Variants in SORCS1 observed in about 807,000 individuals in gnomAD.
SORCS1 encodes sortilin related VPS10 domain containing receptor 1.
A neutral mutation model predicts 146.1 loss-of-function variants in SORCS1; 60 were observed. The ratio of observed to expected loss-of-function variants is 0.41; its 90% CI spans 0.33 to 0.51. SORCS1 has a LOEUF of 0.51. SORCS1 is among the 20% of genes least tolerant of loss of function. The pLI is 0.21. For synonymous variants in SORCS1, 637 were observed against 584.0 expected (o/e 1.09, Z -1.31); for missense variants, 1,352 against 1,487.6 (o/e 0.91, Z 1.50).
the SORCS1 span, among the ~76,000 whole-genome samples, chr10:107,176,687 C>A: frequency 6.6e-6 from 1 of 152,046 alleles, no homozygotes; most frequent in Non-Finnish European, 1.5e-5. Context: ...TCTTTCATTG[C>A]AATCAGAAAG....
At chr10:106,819,543 A>G (rs1001362785) in intron 3 of SORCS1, among the ~76,000 whole-genome samples, 4 of 152,186 alleles carry the variant, frequency 2.6e-5, no homozygotes, top group African/African-American at 9.7e-5. Context: ...ACAAGAGATC[A>G]TTGCACAGTG....
intron 1 of SORCS1, among the ~76,000 whole-genome samples, chr10:106,990,784 G>A (rs1237213639): frequency 2.0e-5 from 3 of 152,148 alleles, no homozygotes; most frequent in Non-Finnish European, 2.9e-5. Context: ...GAAAAATTGT[G>A]AGTACACTGT....
intron 23 of SORCS1, among the ~76,000 whole-genome samples, chr10:106,602,663 C>T (rs1846323328): frequency 1.3e-5 from 2 of 151,996 alleles, no homozygotes; most frequent in African/African-American, 2.4e-5. Flanking sequence ...TTCCCATCAC[C>T]CACTTTAAGC....
At chr10:106,730,183 G>T in intron 5 of SORCS1, 69 bp from the exon 6 acceptor site, 1 of 1,451,016 alleles carries the variant, frequency 6.9e-7, no homozygotes, top group Non-Finnish European at 9.7e-7. Flanking sequence ...AGTGGAACTC[G>T]GCAGAGCCCC....
At chr10:106,631,157 G>T (rs1355645795) in intron 18 of SORCS1, among the ~76,000 whole-genome samples, 2 of 152,212 alleles carry the variant, frequency 1.3e-5, no homozygotes, top group Non-Finnish European at 2.9e-5. Flanking sequence ...CTATGAATCT[G>T]TGTGACCTAC....
At chr10:107,029,120 G>C (rs1958533022) in intron 1 of SORCS1, among the ~76,000 whole-genome samples, 1 of 152,200 alleles carries the variant, frequency 6.6e-6, no homozygotes, top group Non-Finnish European at 1.5e-5. Flanking sequence ...AGCATGTACA[G>C]ATACTTTGCT....
At chr10:106,844,143 T>C (rs922312237) in intron 2 of SORCS1, among the ~76,000 whole-genome samples, 8 of 152,254 alleles carry the variant, frequency 5.3e-5, no homozygotes, top group Non-Finnish European at 7.3e-5. Context: ...ATTAGTGATG[T>C]TGAACATCTT....
rs1852910696 is a variant in SORCS1, at chr10:106,687,128, T to A, written c.1560+1064A>T. On this transcript the variant is annotated intron_variant, in intron 10 of 25. Coordinates refer to ENST00000263054, the MANE Select transcript of SORCS1 (RefSeq NM_052918.5). ...ATTTGCAATTTGCCTCTTCCTCGCC[T>A]CCTTCTGCATTCACTCATTACTTAT... 2.6e-5 allele frequency among the ~76,000 whole-genome samples: 4 copies of A among 152,164 alleles called. No individual in the cohort carries two copies. The South Asian group carries it at 8.3e-4, about 32-fold the overall frequency.
At chr10:106,963,110 A>ATTTTTTTTTTTTTTTTTTTTTTTTTT (rs749174613) in intron 1 of SORCS1, among the ~76,000 whole-genome samples, 6 of 76,310 alleles carry the variant, frequency 7.9e-5, no homozygotes, top group African/African-American at 2.3e-4. Context: ...AATGGCCAGA[A>ATTTTTTTTTTTTTTTTTTTTTTTTTT]TTTTTTTTTT....
chr10:106,738,518 G>T lies in SORCS1; in HGVS notation c.960-8404C>A, dbSNP rs183834428. Among the ~76,000 whole-genome samples, 246 of 152,262 alleles carry T rather than the reference G, an allele frequency of 1.6e-3. 1 individual carries two copies. The highest frequency in any genetic ancestry group is 5.1e-3 in the African/African-American group (211 of 41,536). On this transcript the variant is annotated intron_variant, in intron 5 of 25. Coordinates refer to ENST00000263054, the MANE Select transcript of SORCS1 (RefSeq NM_052918.5). Reference sequence around the variant, plus strand: ...AGCAGTGCTAAGGACTTCCTGGAGGGGTGTGCTTGTGTTGATGTTAAAATC... The same window carrying T: ...AGCAGTGCTAAGGACTTCCTGGAGGTGTGTGCTTGTGTTGATGTTAAAATC...
chr10:106,913,228 C>A (rs1952251856), intron 2 of SORCS1, among the ~76,000 whole-genome samples: 1 of 152,248 alleles, frequency 6.6e-6, no homozygotes, highest in South Asian at 2.1e-4. Flanking sequence ...CAGAAAGGGA[C>A]ACAAATTTAG....
chr10:106,765,970 A>T (rs548022846), intron 4 of SORCS1, among the ~76,000 whole-genome samples: 1 of 152,176 alleles, frequency 6.6e-6, no homozygotes, highest in Non-Finnish European at 1.5e-5. Context: ...AATTTGTGCT[A>T]CGAGAATTCC....
At chr10:106,748,012 C>T (rs944392717) in intron 5 of SORCS1, among the ~76,000 whole-genome samples, 1 of 152,160 alleles carries the variant, frequency 6.6e-6, no homozygotes, top group African/African-American at 2.4e-5. Flanking sequence ...TATTGAGCAC[C>T]TCTTCCATCC....
At chr10:106,859,826 T>C (rs1174658405) in intron 2 of SORCS1, among the ~76,000 whole-genome samples, 2 of 152,232 alleles carry the variant, frequency 1.3e-5, no homozygotes, top group African/African-American at 4.8e-5. Context: ...TTACATGCGT[T>C]TGATCTCGCT....
chr10:107,040,683 T>A (rs901318834), intron 1 of SORCS1, among the ~76,000 whole-genome samples: 25 of 152,126 alleles, frequency 1.6e-4, no homozygotes, highest in South Asian at 2.1e-4. Context: ...AGAAACCGGA[T>A]TAGGGTTGTT....
chr10:106,662,285 G>A (rs1264326815), intron 17 of SORCS1, among the ~76,000 whole-genome samples: 1 of 152,116 alleles, frequency 6.6e-6, no homozygotes, highest in Non-Finnish European at 1.5e-5. Flanking sequence ...GACAGTGAAA[G>A]TAACCATAGA....
At chr10:106,656,165 C>T (rs1337399183) in intron 17 of SORCS1, among the ~76,000 whole-genome samples, 1 of 152,188 alleles carries the variant, frequency 6.6e-6, no homozygotes, top group African/African-American at 2.4e-5. Context: ...CTATTCTCTT[C>T]CTCCCTATTT....
chr10:106,793,418 G>A (rs770653840), intron 3 of SORCS1, among the ~76,000 whole-genome samples: 3 of 152,176 alleles, frequency 2.0e-5, no homozygotes, highest in African/African-American at 7.2e-5. Flanking sequence ...TTACTTGCCA[G>A]GTAAAGCGAT....
In SORCS1 at chr10:107,135,018, T is replaced by C. The variant is rs528310278; in HGVS notation, c.558+28951A>G. On this transcript the variant is annotated intron_variant, in intron 1 of 25. Transcript: ENST00000263054. ...TAAACTCCATGTGGGTGAGGATCTG[T>C]CCTGTCTGAACACAGGGCCTAACAC... Among the ~76,000 whole-genome samples the C allele has an allele frequency of 1.5e-3, 226 of 152,346 alleles. 2 individuals carry two copies. Among genetic ancestry groups the C allele is most frequent in the African/African-American group, 5.1e-3 (214 of 41,572 alleles).
Sources: allele counts gnomAD v4.1 joint callset (sites outside exome capture counted in the v4.1 genomes callset), GRCh38; gene constraint gnomAD v4.1.1; transcripts MANE v1.5; gene names NCBI Gene and HGNC (gene_info 2026-07-23, HGNC 2026-07-21).